Variants in CRIM1 observed in about 807,000 individuals in gnomAD.
CRIM1 encodes cysteine-rich motor neuron 1 protein.
CRIM1 carries 32 observed loss-of-function variants against 116.4 expected under a neutral mutation model. That is an observed-to-expected ratio of 0.27 (90% CI 0.21 to 0.37). The LOEUF (loss-of-function observed/expected upper bound fraction) is 0.37, where lower values mean the gene tolerates loss of function less well. CRIM1 is among the 10% of genes least tolerant of loss of function. The probability of loss-of-function intolerance (pLI) is 1.00; values close to 1 mark genes in which losing one functional copy is unlikely to be tolerated. For synonymous variants in CRIM1, 590 were observed against 509.2 expected (o/e 1.16, Z -2.13); for missense variants, 1,331 against 1,354.8 (o/e 0.98, Z 0.28).
At chr2:36,430,867 T>C (rs138098701) in intron 2 of CRIM1, among the ~76,000 whole-genome samples, 1 of 152,352 alleles carries the variant, frequency 6.6e-6, no homozygotes, top group African/African-American at 2.4e-5. Flanking sequence ...ATCTTGTCAA[T>C]TTGACAACTT....
chr2:36,447,249 T>TA (rs1676316246), intron 4 of CRIM1, among the ~76,000 whole-genome samples: 1 of 152,200 alleles, frequency 6.6e-6, no homozygotes, highest in South Asian at 2.1e-4. Flanking sequence ...ATTTTTTTTT[T>TA]ATTGAAAACC....
At chr2:36,358,951 AC>A in intron 1 of CRIM1, among the ~76,000 whole-genome samples, 1 of 152,202 alleles carries the variant, frequency 6.6e-6, no homozygotes, top group African/African-American at 2.4e-5. Flanking sequence ...GATAAGTGAT[AC>A]CCCAACCGCC....
At chr2:36,365,681 T>C (rs916922532) in intron 1 of CRIM1, among the ~76,000 whole-genome samples, 3 of 152,124 alleles carry the variant, frequency 2.0e-5, no homozygotes, top group Admixed American at 2.0e-4. Flanking sequence ...GCTGTTTAGT[T>C]CTTAGTGTGG....
chr2:36,373,422 G>C (rs1176300081), intron 1 of CRIM1, among the ~76,000 whole-genome samples: 1 of 152,204 alleles, frequency 6.6e-6, no homozygotes, highest in Non-Finnish European at 1.5e-5. Flanking sequence ...GATACAGACA[G>C]CTGGCTTAAC....
intron 4 of CRIM1, among the ~76,000 whole-genome samples, chr2:36,457,194 T>TTTGGTTACATAAGTTCTTTAGCGGTGA (rs1677203021): frequency 6.6e-6 from 1 of 152,170 alleles, no homozygotes; most frequent in African/African-American, 2.4e-5. Flanking sequence ...ACAGGTAGTA[T>TTTGGTTACATAAGTTCTTTAGCGGTGA]TTGGTTACAT....
intron 1 of CRIM1, among the ~76,000 whole-genome samples, chr2:36,391,965 G>C (rs1394904266): frequency 6.6e-6 from 1 of 152,148 alleles, no homozygotes; most frequent in Non-Finnish European, 1.5e-5. Context: ...GAATGCCCTT[G>C]ATCGAAGCAA....
chr2:36,468,883 A>G (rs928223076), intron 5 of CRIM1, among the ~76,000 whole-genome samples: 3 of 152,224 alleles, frequency 2.0e-5, no homozygotes, highest in Admixed American at 6.5e-5. Context: ...TATATACACA[A>G]ACATCTAGAT....
rs189784775 is a variant in CRIM1, at chr2:36,401,894, C to G, written c.505+5107C>G. 2.1e-4 allele frequency among the ~76,000 whole-genome samples: 32 copies of G among 152,302 alleles called. No individual in the cohort carries two copies. The East Asian group carries it at 5.6e-3, about 27-fold the overall frequency. On this transcript the variant is annotated intron_variant, in intron 2 of 16. Transcript: ENST00000280527. The stretch of plus-strand genomic sequence containing the variant: ...TGTTGTAGTTGTTGAGGATACAGCT[C>G]TCATGGAGCTTAACTCCAAAGGGGG...
intron 2 of CRIM1, among the ~76,000 whole-genome samples, chr2:36,423,932 T>G (rs1464138792): frequency 6.6e-6 from 1 of 152,124 alleles, no homozygotes; most frequent in African/African-American, 2.4e-5. Context: ...GCCCACAGAC[T>G]TGTAGTAAGT....
chr2:36,498,757 T>C (rs959153659), intron 7 of CRIM1, among the ~76,000 whole-genome samples: 1 of 152,202 alleles, frequency 6.6e-6, no homozygotes, highest in Non-Finnish European at 1.5e-5. Flanking sequence ...CAAAAACTGA[T>C]TTATTAATTT....
At chr2:36,432,799 AT>A (rs746983521) in intron 2 of CRIM1, among the ~76,000 whole-genome samples, 13 of 152,040 alleles carry the variant, frequency 8.6e-5, no homozygotes, top group African/African-American at 1.4e-4. Flanking sequence ...GTAAAAAAAA[AT>A]ATATACCGAT....
intron 13 of CRIM1, among the ~76,000 whole-genome samples, chr2:36,527,908 C>G (rs1448300151): frequency 6.6e-6 from 1 of 151,718 alleles, no homozygotes; most frequent in Non-Finnish European, 1.5e-5. Flanking sequence ...AAGAGAACTT[C>G]CCTTGGAGCC....
rs987285032 is a variant in CRIM1 at position 36,537,516 on chromosome 2, G to C, written c.2593G>C (p.Val865Leu). ...PPLPCVEPIN[V>L]EGSCCPMCPE... ...TCTGCCCTGTGTTGAGCCCATCAACGTGGAAGGAAGTTGCTGCCCAATGTG... is the reference window on the plus strand; with the variant it reads ...TCTGCCCTGTGTTGAGCCCATCAACCTGGAAGGAAGTTGCTGCCCAATGTG... Residue 865 changes from valine (V) to leucine (L), a missense_variant, in exon 14 of 17, where the codon GTG (valine) becomes CTG (leucine). Physicochemically the swap from Val to Leu is conservative, Grantham distance 32. Transcript: ENST00000280527. The C allele has an allele frequency of 6.2e-7, 1 of 1,612,788 alleles. No homozygotes were observed. The highest frequency in any genetic ancestry group is 1.3e-5 in the African/African-American group (1 of 74,918).
chr2:36,409,515 G>T (rs925074591), intron 2 of CRIM1, among the ~76,000 whole-genome samples: 1 of 152,180 alleles, frequency 6.6e-6, no homozygotes, highest in African/African-American at 2.4e-5. Context: ...CTGGCCCATT[G>T]CATAGGGGCA....
intron 6 of CRIM1, among the ~76,000 whole-genome samples, chr2:36,478,536 A>G (rs909757527): frequency 3.3e-5 from 5 of 152,344 alleles, no homozygotes; most frequent in Non-Finnish European, 5.9e-5. Context: ...TCTCTTGCTC[A>G]GGTCCATTGG....
intron 7 of CRIM1, among the ~76,000 whole-genome samples, chr2:36,484,445 AGGTAAGATAAGGTATC>A (rs1460018161): frequency 3.4e-4 from 52 of 152,264 alleles, no homozygotes; most frequent in African/African-American, 1.2e-3. Flanking sequence ...TTGTGATTGA[AGGTAAGATAAGGTATC>A]GGGGAGGGAA....
chr2:36,423,174 G>A (rs1174909354), intron 2 of CRIM1, among the ~76,000 whole-genome samples: 1 of 152,064 alleles, frequency 6.6e-6, no homozygotes, highest in Non-Finnish European at 1.5e-5. Context: ...ATAAATTTAG[G>A]CAGTTTGTTT....
intron 8 of CRIM1, among the ~76,000 whole-genome samples, chr2:36,503,340 G>A (rs1681133895): frequency 6.6e-6 from 1 of 152,164 alleles, no homozygotes; most frequent in Non-Finnish European, 1.5e-5. Context: ...ACTTCTTTGG[G>A]ACTCTGTGTC....
chr2:36,533,365 G>C (rs1394349787), intron 13 of CRIM1, among the ~76,000 whole-genome samples: 4 of 148,206 alleles, frequency 2.7e-5, no homozygotes, highest in African/African-American at 1.0e-4. Flanking sequence ...AAGGCAGGTA[G>C]CTAGCTTGAG....
Sources: allele counts gnomAD v4.1 joint callset (sites outside exome capture counted in the v4.1 genomes callset), GRCh38; gene constraint gnomAD v4.1.1; transcripts MANE v1.5; gene names NCBI Gene and HGNC (gene_info 2026-07-23, HGNC 2026-07-21).